CCNH: variants seen among roughly 807,000 people sequenced by gnomAD.
CCNH encodes cyclin-H.
A neutral mutation model predicts 41.9 loss-of-function variants in CCNH; 31 were observed. That is an observed-to-expected ratio of 0.74 (90% CI 0.56 to 1.00). CCNH has a LOEUF of 1.00. Among genes scored for constraint, CCNH ranks in the 50% least tolerant of loss-of-function variants. CCNH has a pLI of 0.00. For missense variants in CCNH, 362 were observed against 388.4 expected (o/e 0.93, Z 0.57); for synonymous variants, 138 against 136.1 (o/e 1.01, Z -0.10).
At chr5:87,394,806 A>G (rs1561341075) in intron 8 of CCNH, 2 of 1,371,890 alleles carry the variant, frequency 1.5e-6, no homozygotes, top group Non-Finnish European at 1.9e-6. Flanking sequence ...TGTAGTATGT[A>G]TACATATTGC....
chr5:87,326,297 A>C (rs1474424582), intron 9 of CCNH, among the ~76,000 whole-genome samples: 1 of 152,156 alleles, frequency 6.6e-6, no homozygotes, highest in Non-Finnish European at 1.5e-5. Context: ...AAAAATGTTC[A>C]TGTGATTCCA....
At chr5:87,335,167 C>T (rs1742230361) in intron 9 of CCNH, among the ~76,000 whole-genome samples, 2 of 152,100 alleles carry the variant, frequency 1.3e-5, no homozygotes, top group Non-Finnish European at 2.9e-5. Flanking sequence ...TGGGCATGAG[C>T]CACTGCACCT....
chr5:87,372,158 A>C (rs758628064), downstream of CCNH: 1 of 1,613,730 alleles, frequency 6.2e-7, no homozygotes, highest in Non-Finnish European at 8.5e-7. Flanking sequence ...AATTTACGGA[A>C]AAGTAGTCCA....
At chr5:87,374,720 T>C (rs1761200792), downstream of CCNH, 2 of 1,423,464 alleles carry the variant, frequency 1.4e-6, no homozygotes, top group Non-Finnish European at 1.9e-6. Flanking sequence ...GTTTTAGGTC[T>C]AGCACACTGT....
At chr5:87,378,547 T>G (rs776883121), upstream of CCNH, 2 of 1,595,174 alleles carry the variant, frequency 1.3e-6, no homozygotes, top group Non-Finnish European at 1.7e-6. Context: ...AGGTAAGAAT[T>G]TAATGTTTTA....
intron 6 of CCNH, among the ~76,000 whole-genome samples, chr5:87,400,904 A>ATTC (rs1476397987): frequency 6.6e-6 from 1 of 152,234 alleles, no homozygotes; most frequent in Non-Finnish European, 1.5e-5. Context: ...TAAAGTAGAG[A>ATTC]TTCTACTCAA....
chr5:87,353,544 A>G (rs751700533), intron 9 of CCNH, among the ~76,000 whole-genome samples: 1 of 152,084 alleles, frequency 6.6e-6, no homozygotes, highest in Non-Finnish European at 1.5e-5. Flanking sequence ...CACAGCCAGG[A>G]TTATTAAAGC....
chr5:87,405,117 A>G (rs772213135), intron 4 of CCNH, 110 bp from the exon 5 acceptor site: 360 of 748,850 alleles, frequency 4.8e-4, no homozygotes, highest in Admixed American at 9.1e-4. Context: ...TAACATATCT[A>G]AAGTTCCTAG....
intron 2 of CCNH, among the ~76,000 whole-genome samples, chr5:87,409,822 C>T (rs1764090664): frequency 6.6e-6 from 1 of 152,148 alleles, no homozygotes; most frequent in Non-Finnish European, 1.5e-5. Flanking sequence ...TGTGATATAA[C>T]CATGTATCCA....
chr5:87,363,558 T>TACAA, intron 9 of CCNH: 1 of 1,573,402 alleles, frequency 6.4e-7, no homozygotes. Context: ...AATAAAATAG[T>TACAA]ACAAACAAAG....
At position 87,412,817 on chromosome 5, in the gene CCNH, G is replaced by A. The variant is rs1436335703; in HGVS notation, c.-23C>T. On this transcript the variant is annotated 5_prime_UTR_variant, in exon 1 of 9. Coordinates refer to ENST00000256897, the MANE Select transcript of CCNH (RefSeq NM_001239.4). ...CATTATGGAATCGTGACCAGGTCCA[G>A]AGGGTCTGCAGACGAGAACCCAAAC... 1.2e-6 allele frequency: 2 copies of A among 1,610,532 alleles called. No homozygotes were observed. Among genetic ancestry groups the A allele is most frequent in the South Asian group, 2.2e-5 (2 of 91,038 alleles).
At chr5:87,377,331 C>A (rs558806587), upstream of CCNH, among the ~76,000 whole-genome samples, 1 of 151,920 alleles carries the variant, frequency 6.6e-6, no homozygotes, top group African/African-American at 2.4e-5. Flanking sequence ...TATCTGTATT[C>A]TCTTGTTTTT....
At position 87,401,674 on chromosome 5, in the gene CCNH, A is replaced by G. The variant is rs755459900; in HGVS notation, c.760+28T>C. ...AAAGGAGCTTTGTATTGGAAGAAAC[A>G]TTTTGTAAAGTGTTCTCTTTTACTT... On this transcript the variant is annotated intron_variant, in intron 6 of 8. Transcript: ENST00000256897. 6 of 1,395,614 alleles carry G rather than the reference A, an allele frequency of 4.3e-6. No homozygotes were observed. In the African/African-American group the frequency reaches 5.8e-5, roughly 13 times the overall value. The allele number at this position is 1,395,614 out of a possible 1,614,324, so 86.5% of individuals were successfully genotyped here.
chr5:87,377,075 C>G, exon 1 of CCNH: 5 of 1,590,382 alleles, frequency 3.1e-6, no homozygotes, highest in Non-Finnish European at 4.3e-6. Flanking sequence ...ATACAAGAAA[C>G]TGGGTTTAGA....
At chr5:87,372,027 A>G (rs1760984067), downstream of CCNH, 11 of 1,024,242 alleles carry the variant, frequency 1.1e-5, no homozygotes, top group Middle Eastern at 2.1e-4. Context: ...GAAGGAAAAA[A>G]TTGTTGAATT....
At chr5:87,391,098 A>G, downstream of CCNH, 1 of 628,190 alleles carries the variant, frequency 1.6e-6, no homozygotes, top group Non-Finnish European at 2.9e-6. Context: ...CTATTTCCAC[A>G]TGGAATCAAT....
At chr5:87,392,121 G>T (rs780087169), downstream of CCNH, 8 of 384,360 alleles carry the variant, frequency 2.1e-5, no homozygotes, top group Middle Eastern at 7.3e-4. Context: ...AGGGCAGATA[G>T]ATAGGACATA....
chr5:87,318,621 C>T (rs1057457842), exon 10 of CCNH: 3 of 152,170 alleles, frequency 2.0e-5, no homozygotes, highest in East Asian at 1.9e-4. Flanking sequence ...CTCACTATCA[C>T]GAGAGCAGCA....
chr5:87,337,715 ATTCAGTGAT>A (rs930638835), intron 9 of CCNH, among the ~76,000 whole-genome samples: 6 of 152,204 alleles, frequency 3.9e-5, no homozygotes, highest in African/African-American at 1.4e-4. Context: ...TCTAACAATA[ATTCAGTGAT>A]ATAGTTAGTG....
Sources: allele counts gnomAD v4.1 joint callset (sites outside exome capture counted in the v4.1 genomes callset), GRCh38; gene constraint gnomAD v4.1.1; transcripts MANE v1.5; gene names NCBI Gene and HGNC (gene_info 2026-07-23, HGNC 2026-07-21).